The following TYW1 variants were observed in gnomAD, a reference collection of about 807,000 sequenced individuals.
TYW1 encodes the protein tRNA-yW synthesizing protein 1 homolog, also known as S-adenosyl-L-methionine-dependent tRNA 4-demethylwyosine synthase TYW1.
A neutral mutation model predicts 96.2 loss-of-function variants in TYW1; 46 were observed. The observed-to-expected ratio is 0.48, with a 90% CI of 0.38 to 0.61. TYW1 has a LOEUF of 0.61. Ranked by LOEUF, TYW1 falls within the 20% of genes least tolerant of loss-of-function variation. The pLI, the probability that TYW1 is intolerant of heterozygous loss-of-function variation, is 0.00. For missense variants in TYW1, 684 were observed against 909.6 expected, an observed-to-expected ratio of 0.75 and a Z score of 3.19; for synonymous variants, 274 against 323.0, an observed-to-expected ratio of 0.85 and a Z score of 1.63.
rs541148632 is a variant in TYW1, at chr7:67,135,698, G to A, written c.1698+18080G>A. On this transcript the variant is annotated intron_variant, in intron 13 of 15. Transcript: ENST00000359626. Reference sequence around the variant, plus strand: ...TAAATAAAGGATCTGCTCACTCCCAGAGCTGCTGCTCTTCTAGCACCTGGC... The same window carrying A: ...TAAATAAAGGATCTGCTCACTCCCAAAGCTGCTGCTCTTCTAGCACCTGGC... Among the ~76,000 whole-genome samples, 4 of 151,498 alleles carry A rather than the reference G, an allele frequency of 2.6e-5. No homozygotes were observed. In the East Asian group the frequency reaches 7.8e-4, roughly 29 times the overall value.
At chr7:67,183,271 G>A (rs1563059674) in intron 14 of TYW1, 35 bp downstream of exon 14, 2 of 1,570,138 alleles carry the variant, frequency 1.3e-6, no homozygotes, top group Non-Finnish European at 8.6e-7. Context: ...CTGTGGTGGA[G>A]TGACAAAGAA....
chr7:67,120,411 A>T (rs1797727330), intron 13 of TYW1, among the ~76,000 whole-genome samples: 1 of 152,224 alleles, frequency 6.6e-6, no homozygotes. Flanking sequence ...ATGGGTGGAA[A>T]CTCAACAGAG....
rs544694304 is a variant in TYW1, at chr7:67,234,074, C to T, written c.1978-4234C>T. Among the ~76,000 whole-genome samples the T allele has an allele frequency of 1.9e-4, 26 of 135,184 alleles. 4 individuals are homozygous for T. The highest frequency in any genetic ancestry group is 5.0e-4 in the African/African-American group (17 of 33,792). 88.7% of individuals were successfully genotyped at this position (135,184 alleles called of 152,430 possible). A position where few individuals can be genotyped will look rare whatever the true frequency, so the allele number is the denominator to read the frequency against. On this transcript the variant is annotated intron_variant, in intron 15 of 15. Transcript: ENST00000359626. Reference sequence around the variant, plus strand: ...TAAGAAGAGACATCAGGGCTGGGTGCGGTGGCTCATGCCTATGATCCTAGC... The same window carrying T: ...TAAGAAGAGACATCAGGGCTGGGTGTGGTGGCTCATGCCTATGATCCTAGC...
At chr7:67,064,438 C>T (rs1795797064) in intron 9 of TYW1, among the ~76,000 whole-genome samples, 1 of 152,138 alleles carries the variant, frequency 6.6e-6, no homozygotes, top group East Asian at 1.9e-4. Context: ...AAAAGCTGTT[C>T]TGTATTAGTC....
At chr7:67,063,755 C>T (rs1795771845) in intron 9 of TYW1, among the ~76,000 whole-genome samples, 1 of 152,080 alleles carries the variant, frequency 6.6e-6, no homozygotes, top group African/African-American at 2.4e-5. Flanking sequence ...AGGTGCCCGC[C>T]ACCAAGCCCA....
intron 3 of TYW1, 62 bp downstream of exon 3, chr7:66,999,016 C>T (rs564283147): frequency 1.3e-5 from 20 of 1,574,104 alleles, no homozygotes; most frequent in Non-Finnish European, 1.7e-5. Flanking sequence ...ATCCCTTTAG[C>T]AGTGAACTTT....
intron 15 of TYW1, among the ~76,000 whole-genome samples, chr7:67,228,289 G>A (rs1225196785): frequency 5.3e-5 from 8 of 152,298 alleles, no homozygotes; most frequent in South Asian, 2.1e-4. Flanking sequence ...TGAAAGTCAC[G>A]TCTCACATGG....
chr7:67,206,622 CATAAATAAATAAATAAATAA>C (rs10622608), intron 15 of TYW1, among the ~76,000 whole-genome samples: 123 of 143,510 alleles, frequency 8.6e-4, no homozygotes, highest in African/African-American at 2.9e-3. Flanking sequence ...CTGTCTCAAA[CATAAATAAATAAATAAATAA>C]ATAAATAAAT....
At chr7:67,132,297 A>G (rs1325429325) in intron 13 of TYW1, among the ~76,000 whole-genome samples, 3 of 151,014 alleles carry the variant, frequency 2.0e-5, no homozygotes, top group Non-Finnish European at 4.4e-5. Flanking sequence ...TTTTGTAGAG[A>G]TATGGTCTCA....
rs1800348630 is a variant in TYW1, at chr7:67,195,159, T to C, written c.1810-11T>C. 2 of 1,613,316 alleles carry C rather than the reference T, an allele frequency of 1.2e-6. No individual in the cohort carries two copies. Among genetic ancestry groups the C allele is most frequent in the Non-Finnish European group, 1.7e-6 (2 of 1,179,698 alleles). On this transcript the variant is annotated splice_polypyrimidine_tract_variant and intron_variant, in intron 14 of 15. Coordinates refer to ENST00000359626, the MANE Select transcript of TYW1 (RefSeq NM_018264.4). ...CTGTAGTCATCTCTGATGGTTATAC[T>C]GTTTCCACAGGGCGTTACCTACTGC... is the stretch of plus-strand genomic sequence containing the variant.
intron 13 of TYW1, among the ~76,000 whole-genome samples, chr7:67,118,891 A>G (rs866690864): frequency 0.25 from 33,782 of 137,764 alleles, 4,876 homozygotes; most frequent in African/African-American, 0.36. Context: ...AAAAAAAAAA[A>G]AAAAAAAAAA....
At chr7:67,076,626 C>T (rs1047003628) in intron 10 of TYW1, among the ~76,000 whole-genome samples, 2 of 152,040 alleles carry the variant, frequency 1.3e-5, no homozygotes, top group Non-Finnish European at 2.9e-5. Flanking sequence ...CAGGCACACG[C>T]CACCAAGCCT....
intron 3 of TYW1, among the ~76,000 whole-genome samples, chr7:67,006,417 A>G (rs1242667854): frequency 6.8e-6 from 1 of 147,040 alleles, no homozygotes; most frequent in Non-Finnish European, 1.5e-5. Flanking sequence ...AAATTGCCCA[A>G]TCTCAGGTAT....
chr7:67,207,018 T>C (rs1340400941), intron 15 of TYW1, among the ~76,000 whole-genome samples: 1 of 152,254 alleles, frequency 6.6e-6, no homozygotes, highest in Non-Finnish European at 1.5e-5. Flanking sequence ...ATTTATTTGC[T>C]CAAGGTATTT....
chr7:67,207,945 T>G (rs1357132757), intron 15 of TYW1, among the ~76,000 whole-genome samples: 1 of 152,156 alleles, frequency 6.6e-6, no homozygotes, highest in African/African-American at 2.4e-5. Context: ...GGTCTTGAAC[T>G]CATGACCTCA....
intron 13 of TYW1, among the ~76,000 whole-genome samples, chr7:67,153,404 C>T (rs1232116838): frequency 6.6e-6 from 1 of 152,008 alleles, no homozygotes; most frequent in Non-Finnish European, 1.5e-5. Flanking sequence ...TGCAGTGAGC[C>T]GAGATTGTGC....
At chr7:67,060,680 C>T (rs751963232) in intron 9 of TYW1, among the ~76,000 whole-genome samples, 1 of 152,192 alleles carries the variant, frequency 6.6e-6, no homozygotes, top group Non-Finnish European at 1.5e-5. Flanking sequence ...AACTCACCAG[C>T]AGAGGCTATT....
At chr7:67,123,279 C>A (rs1232540173) in intron 13 of TYW1, among the ~76,000 whole-genome samples, 1 of 152,122 alleles carries the variant, frequency 6.6e-6, no homozygotes, top group Non-Finnish European at 1.5e-5. Flanking sequence ...TCCCCCAGGG[C>A]TGATTCCATT....
intron 13 of TYW1, among the ~76,000 whole-genome samples, chr7:67,164,181 G>A (rs28715521): frequency 0.28 from 42,622 of 151,544 alleles, 6,458 homozygotes; most frequent in African/African-American, 0.4. Context: ...GCCATGCTGC[G>A]TTTATAAGTT....
Sources: allele counts gnomAD v4.1 joint callset (sites outside exome capture counted in the v4.1 genomes callset), GRCh38; gene constraint gnomAD v4.1.1; transcripts MANE v1.5; gene names NCBI Gene and HGNC (gene_info 2026-07-23, HGNC 2026-07-21).